Variants in MRLN observed in about 807,000 individuals in gnomAD.
The protein encoded by MRLN is myoregulin.
intron 1 of MRLN, among the ~76,000 whole-genome samples, chr10:59,750,408 T>C (rs2132596157): frequency 6.6e-6 from 1 of 152,202 alleles, no homozygotes; most frequent in East Asian, 1.9e-4. Flanking sequence ...TGTTCAGTTT[T>C]GGCTTTCCCA....
chr10:59,737,832 TGTTA>T (rs1418022935), intron 2 of MRLN, among the ~76,000 whole-genome samples: 3 of 152,172 alleles, frequency 2.0e-5, no homozygotes, highest in African/African-American at 7.2e-5. Flanking sequence ...ACCAAACGTC[TGTTA>T]GGCAGGACAT....
intron 1 of MRLN, among the ~76,000 whole-genome samples, chr10:59,743,973 T>C (rs1421042531): frequency 6.6e-6 from 1 of 152,196 alleles, no homozygotes; most frequent in Non-Finnish European, 1.5e-5. Context: ...TGCTCAATGT[T>C]GCCCAGGCTG....
chr10:59,745,037 C>T (rs1841028759), intron 1 of MRLN, among the ~76,000 whole-genome samples: 2 of 152,024 alleles, frequency 1.3e-5, no homozygotes, highest in Non-Finnish European at 2.9e-5. Context: ...ATCTGCTGAC[C>T]TTCCCTCCAC....
At position 59,745,484 on chromosome 10, in the gene MRLN, T is replaced by TC. The variant is rs1271295738; in HGVS notation, c.-124-6923dup. ...GAAACTTCAGATGACGGCAAATAAT[T>TC]CCCCCCCCCACCCCCCACCCCCCAC... On this transcript the variant is annotated intron_variant, in intron 1 of 2. Coordinates refer to ENST00000414264, the MANE Select transcript of MRLN (RefSeq NM_001304731.2). Among the ~76,000 whole-genome samples the TC allele has an allele frequency of 6.9e-3, 864 of 125,102 alleles. 7 individuals are homozygous for TC. The highest frequency in any genetic ancestry group is 0.016 in the Middle Eastern group (4 of 246). 82.1% of individuals were successfully genotyped at this position (125,102 alleles called of 152,430 possible).
intron 1 of MRLN, among the ~76,000 whole-genome samples, chr10:59,743,900 G>C (rs188252340): frequency 1.2e-3 from 184 of 152,284 alleles, no homozygotes; most frequent in Non-Finnish European, 2.2e-3. Context: ...TCCTGACCAT[G>C]AGTGATCTGC....
intron 1 of MRLN, among the ~76,000 whole-genome samples, chr10:59,740,727 A>G (rs1444244343): frequency 6.6e-6 from 1 of 152,066 alleles, no homozygotes; most frequent in African/African-American, 2.4e-5. Context: ...AAAAGTTTAT[A>G]AAGTAAAAAA....
At chr10:59,737,547 C>A (rs1216355385) in intron 2 of MRLN, among the ~76,000 whole-genome samples, 2 of 148,324 alleles carry the variant, frequency 1.3e-5, no homozygotes, top group Non-Finnish European at 3.0e-5. Context: ...TCATTTCAAT[C>A]ATTTTTATTG....
intron 1 of MRLN, among the ~76,000 whole-genome samples, chr10:59,739,910 G>A (rs1589015597): frequency 1.3e-5 from 2 of 152,068 alleles, no homozygotes; most frequent in Non-Finnish European, 2.9e-5. Flanking sequence ...TGGCCAAGAT[G>A]GTGACACCCT....
chr10:59,740,256 T>C (rs1157190256), intron 1 of MRLN, among the ~76,000 whole-genome samples: 1 of 151,200 alleles, frequency 6.6e-6, no homozygotes, highest in Non-Finnish European at 1.5e-5. Context: ...GCATGTACAA[T>C]GATGTATGGT....
chr10:59,746,943 G>T (rs1269766692), intron 1 of MRLN, among the ~76,000 whole-genome samples: 3 of 152,100 alleles, frequency 2.0e-5, no homozygotes, highest in East Asian at 3.9e-4. Flanking sequence ...GGGATTACAG[G>T]CATGCACCAC....
chr10:59,751,717 C>A (rs1841105276), intron 1 of MRLN, among the ~76,000 whole-genome samples: 1 of 149,032 alleles, frequency 6.7e-6, no homozygotes, highest in Non-Finnish European at 1.5e-5. Context: ...AGTACTGAAC[C>A]ATGAGTAAGC....
At chr10:59,748,038 TAGAAACTTG>T (rs140003500) in intron 1 of MRLN, among the ~76,000 whole-genome samples, 29,432 of 151,878 alleles carry the variant, frequency 0.19, 3,400 homozygotes, top group Middle Eastern at 0.31. Flanking sequence ...AACTGTCTTT[TAGAAACTTG>T]AGAAATCATA....
intron 1 of MRLN, among the ~76,000 whole-genome samples, chr10:59,752,862 GC>G (rs2070174715): frequency 6.6e-6 from 1 of 152,134 alleles, no homozygotes; most frequent in Non-Finnish European, 1.5e-5. Context: ...CAAGACAGGT[GC>G]CCTCTCTGAT....
At chr10:59,740,325 C>G (rs1289522500) in intron 1 of MRLN, among the ~76,000 whole-genome samples, 2 of 151,924 alleles carry the variant, frequency 1.3e-5, no homozygotes, top group Admixed American at 1.3e-4. Context: ...CTATACTATA[C>G]TTTTTATTAT....
chr10:59,738,623 G>A (rs1388361353), intron 1 of MRLN, 61 bp from the exon 2 acceptor site: 1 of 152,140 alleles, frequency 6.6e-6, no homozygotes, highest in Admixed American at 6.5e-5. Flanking sequence ...AAGTGGAGGG[G>A]CAGGGAGCCT....
At chr10:59,743,513 C>T (rs917608072) in intron 1 of MRLN, among the ~76,000 whole-genome samples, 6 of 151,980 alleles carry the variant, frequency 3.9e-5, no homozygotes, top group Admixed American at 2.0e-4. Flanking sequence ...TGGTTTTTGC[C>T]CTTGATGTTA....
At chr10:59,743,476 G>T (rs1290713368) in intron 1 of MRLN, among the ~76,000 whole-genome samples, 1 of 152,104 alleles carries the variant, frequency 6.6e-6, no homozygotes, top group Non-Finnish European at 1.5e-5. Context: ...CTTCCACCAT[G>T]AGGAACAGGA....
At chr10:59,745,789 C>T (rs758057190) in intron 1 of MRLN, among the ~76,000 whole-genome samples, 36 of 152,014 alleles carry the variant, frequency 2.4e-4, no homozygotes, top group Non-Finnish European at 2.9e-4. Flanking sequence ...TTCATTGTAT[C>T]CTCTGTTCTT....
intron 1 of MRLN, among the ~76,000 whole-genome samples, chr10:59,741,374 C>CTTTTTTTATTTTTATTTT: frequency 6.6e-6 from 1 of 151,978 alleles, no homozygotes; most frequent in Middle Eastern, 3.4e-3. Context: ...TTTTTATTTA[C>CTTTTTTTATTTTTATTTT]TTTCTTATTT....
Sources: gnomAD v4.1 joint callset for allele counts (sites outside exome capture counted in the v4.1 genomes callset) on GRCh38, gnomAD v4.1.1 for gene constraint, MANE v1.5 for transcripts, NCBI Gene and HGNC (gene_info 2026-07-23, HGNC 2026-07-21) for gene names.